The following URI1 variants were observed in gnomAD, a reference collection of about 807,000 sequenced individuals.
The protein encoded by URI1 is URI1 prefoldin like chaperone, also known as unconventional prefoldin RPB5 interactor 1.
A neutral mutation model predicts 60.2 loss-of-function variants in URI1; 39 were observed. The observed-to-expected ratio is 0.65, with a 90% CI of 0.50 to 0.85. The LOEUF (loss-of-function observed/expected upper bound fraction) is 0.85, where lower values mean the gene tolerates loss of function less well. Among genes scored for constraint, URI1 ranks in the 40% least tolerant of loss-of-function variants. The pLI, the probability that URI1 is intolerant of heterozygous loss-of-function variation, is 0.00. For synonymous variants in URI1, 251 were observed against 236.8 expected (o/e 1.06, Z -0.55); for missense variants, 691 against 665.9 (o/e 1.04, Z -0.42).
intron 1 of URI1, among the ~76,000 whole-genome samples, chr19:29,926,291 C>CCTCCCT (rs1491264929): frequency 7.9e-5 from 10 of 127,244 alleles, no homozygotes; most frequent in East Asian, 2.7e-4. Context: ...TTCCTACCTT[C>CCTCCCT]TTTCCTTCAA....
chr19:29,977,666 T>G (rs1599694077), intron 2 of URI1, among the ~76,000 whole-genome samples: 1 of 150,258 alleles, frequency 6.7e-6, no homozygotes, highest in East Asian at 2.0e-4. Context: ...TATGAAAGTC[T>G]TAGGGATAAG....
chr19:29,983,809 A>G (rs543769762), intron 2 of URI1, among the ~76,000 whole-genome samples: 31 of 152,330 alleles, frequency 2.0e-4, no homozygotes, highest in African/African-American at 2.9e-4. Context: ...GGCCCATAGC[A>G]TGGAAATACG....
chr19:29,994,206 A>C (rs2055782732), intron 4 of URI1, among the ~76,000 whole-genome samples: 1 of 152,236 alleles, frequency 6.6e-6, no homozygotes, highest in African/African-American at 2.4e-5. Context: ...ACCTTTGCCA[A>C]CCCAATGTGT....
At chr19:29,996,995 A>G (rs1280034829) in intron 4 of URI1, among the ~76,000 whole-genome samples, 10 of 151,912 alleles carry the variant, frequency 6.6e-5, no homozygotes, top group Admixed American at 6.6e-4. Flanking sequence ...TTAATGTGCT[A>G]CCGTATTTAG....
At chr19:29,956,285 C>CTTTT (rs369678110) in intron 1 of URI1, 57 of 375,264 alleles carry the variant, frequency 1.5e-4, no homozygotes, top group East Asian at 3.9e-4. Flanking sequence ...CCAGAGTAGT[C>CTTTT]TTTTTTTTTT....
chr19:29,985,868 A>G (rs1451605981), intron 3 of URI1, among the ~76,000 whole-genome samples: 2 of 152,168 alleles, frequency 1.3e-5, no homozygotes, highest in Admixed American at 1.3e-4. Flanking sequence ...TTGTTTACTA[A>G]TTCCTGCTTT....
At chr19:29,953,648 C>T (rs1169619753) in intron 1 of URI1, among the ~76,000 whole-genome samples, 1 of 151,182 alleles carries the variant, frequency 6.6e-6, no homozygotes, top group African/African-American at 2.4e-5. Flanking sequence ...CATTATCCTT[C>T]TGAGTGATTC....
intron 1 of URI1, among the ~76,000 whole-genome samples, chr19:29,936,371 G>A (rs147237944): frequency 0.014 from 2,068 of 152,298 alleles, 48 homozygotes; most frequent in African/African-American, 0.047. Flanking sequence ...CCAAAGTGCT[G>A]GAATTACAGG....
At chr19:29,995,552 T>TA (rs34134350) in intron 4 of URI1, among the ~76,000 whole-genome samples, 140,572 of 147,674 alleles carry the variant, frequency 0.95, 66,899 homozygotes, top group East Asian at 1. Flanking sequence ...TTGTCTTACT[T>TA]AAAAAAAAAA....
chr19:29,971,132 A>AT (rs781246856), intron 1 of URI1, 61 bp from the exon 2 acceptor site: 5 of 1,537,876 alleles, frequency 3.3e-6, no homozygotes, highest in Non-Finnish European at 3.6e-6. Flanking sequence ...AGATACACTG[A>AT]TTTTTGTAGC....
upstream of URI1, among the ~76,000 whole-genome samples, chr19:29,940,795 G>A (rs1224779782): frequency 7.2e-5 from 11 of 152,162 alleles, no homozygotes; most frequent in African/African-American, 2.7e-4. Context: ...CTATGTGGTC[G>A]CGGGTTAAGC....
intron 1 of URI1, among the ~76,000 whole-genome samples, chr19:29,944,519 A>C (rs955748855): frequency 6.6e-6 from 1 of 152,144 alleles, no homozygotes. Context: ...ACTGAAATGC[A>C]AAGGATACTT....
At position 30,009,233 on chromosome 19, in the gene URI1, TGATGAC is replaced by T. The variant is rs775535103; in HGVS notation, c.918_923del (p.Asp310_Asp311del). 9.0e-5 allele frequency: 145 copies of T among 1,602,578 alleles called. No homozygotes were observed. The highest frequency in any genetic ancestry group is 1.3e-4 in the Admixed American group (8 of 59,700). Reference sequence around the variant, plus strand: ...ACAGTGATGATGATGATGATGATGATGATGACGACGACGACGACAACATTGACGACG... The same window carrying T: ...ACAGTGATGATGATGATGATGATGATGACGACGACGACAACATTGACGACG... On this transcript the variant is annotated inframe_deletion, in exon 8 of 11. Transcript: ENST00000392271.
At chr19:29,938,250 G>C (rs1403145441), upstream of URI1, among the ~76,000 whole-genome samples, 1 of 152,126 alleles carries the variant, frequency 6.6e-6, no homozygotes, top group Non-Finnish European at 1.5e-5. Flanking sequence ...TCGGTTTCTG[G>C]TGAGGCCTCA....
At chr19:29,935,262 T>A (rs529120244) in intron 1 of URI1, among the ~76,000 whole-genome samples, 1 of 152,266 alleles carries the variant, frequency 6.6e-6, no homozygotes, top group East Asian at 1.9e-4. Flanking sequence ...TAATACTAAC[T>A]TAGTTTTAAG....
At chr19:29,987,569 TGAAGAC>T (rs1387330942) in intron 4 of URI1, among the ~76,000 whole-genome samples, 3 of 152,244 alleles carry the variant, frequency 2.0e-5, no homozygotes, top group Non-Finnish European at 4.4e-5. Context: ...AAGACCTTAC[TGAAGAC>T]GAAGCCTCTC....
chr19:29,961,905 G>C (rs2112395), intron 1 of URI1, among the ~76,000 whole-genome samples: 122,172 of 151,944 alleles, frequency 0.8, 50,539 homozygotes, highest in Non-Finnish European at 0.9. Flanking sequence ...GGCTGGTCTC[G>C]AACTCCTGAC....
intron 1 of URI1, among the ~76,000 whole-genome samples, chr19:29,932,033 G>T (rs2054925488): frequency 1.3e-5 from 2 of 149,548 alleles, no homozygotes; most frequent in African/African-American, 2.5e-5. Flanking sequence ...TTCTAACTTG[G>T]CTGCCTTTCA....
At chr19:29,924,401 G>C (rs1313151264) in intron 1 of URI1, among the ~76,000 whole-genome samples, 1 of 152,170 alleles carries the variant, frequency 6.6e-6, no homozygotes, top group Admixed American at 6.5e-5. Flanking sequence ...TTCAAGGACA[G>C]GAGCCCCCCA....
Sources: gnomAD v4.1 joint callset for allele counts (sites outside exome capture counted in the v4.1 genomes callset) on GRCh38, gnomAD v4.1.1 for gene constraint, MANE v1.5 for transcripts, NCBI Gene and HGNC (gene_info 2026-07-23, HGNC 2026-07-21) for gene names.